Variants in VSTM1 observed in about 807,000 individuals in gnomAD.
VSTM1 encodes V-set and transmembrane domain containing 1, also known as V-set and transmembrane domain-containing protein 1.
In VSTM1, 27 loss-of-function variants were observed where a neutral mutation model predicts 33.1. The ratio of observed to expected loss-of-function variants is 0.82; its 90% CI spans 0.60 to 1.12. The LOEUF (loss-of-function observed/expected upper bound fraction) is 1.12, where lower values mean the gene tolerates loss of function less well. VSTM1 is among the 50% of genes most tolerant of loss of function. The pLI is 0.00. For missense variants in VSTM1, 304 were observed against 288.9 expected, an observed-to-expected ratio of 1.05 and a Z score of -0.38; for synonymous variants, 115 against 110.3, an observed-to-expected ratio of 1.04 and a Z score of -0.27.
chr19:54,062,217 C>T (rs1418466688), intron 1 of VSTM1, among the ~76,000 whole-genome samples: 2 of 152,050 alleles, frequency 1.3e-5, no homozygotes, highest in South Asian at 2.1e-4. Context: ...AAAACAGACG[C>T]TCCTTCATAG....
chr19:54,048,803 G>T (rs1280148299), intron 4 of VSTM1, among the ~76,000 whole-genome samples: 1 of 152,162 alleles, frequency 6.6e-6, no homozygotes, highest in African/African-American at 2.4e-5. Flanking sequence ...GAAGAACGGG[G>T]CCAGGCACAG....
chr19:54,057,141 C>T (rs1157667181), intron 3 of VSTM1, among the ~76,000 whole-genome samples: 3 of 139,076 alleles, frequency 2.2e-5, no homozygotes, highest in Admixed American at 7.4e-5. Context: ...CAGGCATGAG[C>T]CACCGCGCCG....
At chr19:54,049,826 C>T (rs376805691) in intron 4 of VSTM1, among the ~76,000 whole-genome samples, 2 of 152,006 alleles carry the variant, frequency 1.3e-5, no homozygotes, top group East Asian at 3.9e-4. Flanking sequence ...CTAGCAACAA[C>T]CTTCAGCAAC....
chr19:54,047,217 A>G (rs1322306636), intron 4 of VSTM1, among the ~76,000 whole-genome samples: 1 of 152,128 alleles, frequency 6.6e-6, no homozygotes, highest in Non-Finnish European at 1.5e-5. Flanking sequence ...AATAATAAAT[A>G]AAATAAAACG....
Position 54,040,966 on chromosome 19 carries a change from C to T in VSTM1, c.706G>A (p.Val236Met), listed in dbSNP as rs2070225889. ...TGGCCAGGGCTGTCTTCTTGCTACA[C>T]TTTCAGTGCCGCATATTCATGAGAT... is the stretch of plus-strand genomic sequence containing the variant. ...PGSHEYAALKV is the reference protein window; with the variant it reads ...PGSHEYAALKM Residue 236 changes from valine (V) to methionine (M), a missense_variant, in exon 9 of 9, where the codon GTG becomes ATG. Physicochemically the swap from Val to Met is conservative, Grantham distance 21. Coordinates refer to ENST00000338372, the MANE Select transcript of VSTM1 (RefSeq NM_198481.4). The T allele has an allele frequency of 6.2e-7, 1 of 1,609,826 alleles. No homozygotes were observed. The highest frequency in any genetic ancestry group is 8.5e-7 in the Non-Finnish European group (1 of 1,178,202).
intron 3 of VSTM1, among the ~76,000 whole-genome samples, chr19:54,052,323 G>C (rs4806492): frequency 0.27 from 38,129 of 139,104 alleles, 7,883 homozygotes; most frequent in Middle Eastern, 0.4. Context: ...GCGTGAACCC[G>C]GGAGGCGGAG....
intron 1 of VSTM1, among the ~76,000 whole-genome samples, chr19:54,060,267 C>T (rs2071331449): frequency 6.6e-6 from 1 of 152,176 alleles, no homozygotes; most frequent in Admixed American, 6.6e-5. Context: ...ACATTATCCC[C>T]TCCCTCTTCT....
intron 6 of VSTM1, 58 bp from the exon 7 acceptor site, chr19:54,042,011 A>G: frequency 1.2e-6 from 2 of 1,609,560 alleles, no homozygotes; most frequent in South Asian, 1.1e-5. Flanking sequence ...GGAGAGGGTG[A>G]GGGCAATGGA....
intron 3 of VSTM1, among the ~76,000 whole-genome samples, chr19:54,056,136 A>G (rs2071073101): frequency 1.5e-5 from 2 of 137,196 alleles, no homozygotes. Context: ...CAAGAACTAG[A>G]CAACCAGGGA....
rs544635234 is a variant in VSTM1 at position 54,040,881 on chromosome 19, A to G, written c.*80T>C. On this transcript the variant is annotated 3_prime_UTR_variant, in exon 9 of 9. Coordinates refer to ENST00000338372, the MANE Select transcript of VSTM1 (RefSeq NM_198481.4). ...TGATATGGACGAAGAGCAAGGAAAC[A>G]CAGTATCTGCATCTCCAGATTTCCG... is the stretch of plus-strand genomic sequence containing the variant. 6.5e-7 allele frequency: 1 copy of G among 1,529,652 alleles called. No individual in the cohort carries two copies. Among genetic ancestry groups the G allele is most frequent in the Non-Finnish European group, 8.8e-7 (1 of 1,137,558 alleles). The allele number at this position is 1,529,652 out of a possible 1,614,324, so 94.8% of individuals were successfully genotyped here.
intron 2 of VSTM1, 23 bp from the exon 3 acceptor site, chr19:54,058,613 T>G: frequency 6.2e-7 from 1 of 1,613,062 alleles, no homozygotes; most frequent in South Asian, 1.1e-5. Context: ...CAGAGTTAAT[T>G]TGAGTCTAGA....
intron 3 of VSTM1, among the ~76,000 whole-genome samples, chr19:54,054,536 C>T (rs1392343866): frequency 7.0e-6 from 1 of 142,656 alleles, no homozygotes; most frequent in East Asian, 2.0e-4. Context: ...ACTGTAAAGT[C>T]TCTCCAGGGA....
At chr19:54,046,784 C>T (rs552477080) in intron 4 of VSTM1, among the ~76,000 whole-genome samples, 1 of 152,298 alleles carries the variant, frequency 6.6e-6, no homozygotes, top group Non-Finnish European at 1.5e-5. Flanking sequence ...TGGTCTTCGA[C>T]CTTCTCTGTC....
intron 1 of VSTM1, among the ~76,000 whole-genome samples, chr19:54,062,153 T>C (rs1344220970): frequency 8.0e-6 from 1 of 125,524 alleles, no homozygotes; most frequent in Non-Finnish European, 1.8e-5. Context: ...AGACTCCGCC[T>C]CAAGAAAAAA....
chr19:54,055,779 G>C lies in VSTM1; in HGVS notation c.355+2527C>G, dbSNP rs1266821711. ...ATCCCAGGGTCTACATTGACTGAGA[G>C]CAAAGGTTCTGGGAGTGATCCTGAA... On this transcript the variant is annotated intron_variant, in intron 3 of 8. Transcript: ENST00000338372. 2 of 142,692 alleles carry C rather than the reference G, an allele frequency of 1.4e-5. 1 individual carries two copies. The highest frequency in any genetic ancestry group is 5.2e-5 in the African/African-American group (2 of 38,552). The allele number at this position is 142,692 out of a possible 1,614,324, so 8.8% of individuals were successfully genotyped here.
intron 3 of VSTM1, among the ~76,000 whole-genome samples, chr19:54,054,487 T>C (rs936100551): frequency 7.0e-6 from 1 of 142,648 alleles, no homozygotes; most frequent in African/African-American, 2.6e-5. Context: ...GGCTAAGTCA[T>C]TGGTGTGGAC....
chr19:54,057,075 C>T (rs1348771592), intron 3 of VSTM1, among the ~76,000 whole-genome samples: 1 of 139,854 alleles, frequency 7.2e-6, no homozygotes, highest in Non-Finnish European at 1.6e-5. Context: ...AGGCTGGTCT[C>T]GAACTCCCGA....
chr19:54,040,995 G>C lies in VSTM1; in HGVS notation c.677C>G (p.Pro226Arg), dbSNP rs1429504083. The change falls in exon 9 of 9, where the codon CCA (proline) becomes CGA (arginine). Residue 226 changes from proline (P) to arginine (R), a missense_variant. Pro to Arg is a moderately radical substitution (Grantham distance 103, BLOSUM62 -2). Coordinates refer to ENST00000338372, the MANE Select transcript of VSTM1 (RefSeq NM_198481.4). ...EAASDTTQEP[P>R]GSHEYAALKV ...CAGTGCCGCATATTCATGAGATCCT[G>C]GGGGCTCCTGGGTGGTGTCTGAAGC... The C allele has an allele frequency of 6.2e-7, 1 of 1,610,210 alleles. No individual in the cohort carries two copies. The highest frequency in any genetic ancestry group is 1.7e-5 in the Admixed American group (1 of 59,624).
chr19:54,058,820 G>A (rs1446359258), intron 1 of VSTM1, 88 bp from the exon 2 acceptor site: 2 of 884,532 alleles, frequency 2.3e-6, no homozygotes, highest in Non-Finnish European at 3.6e-6. Flanking sequence ...CTCTTTATAG[G>A]TCTGAGATAT....
Sources: gnomAD v4.1 joint callset for allele counts (sites outside exome capture counted in the v4.1 genomes callset) on GRCh38, gnomAD v4.1.1 for gene constraint, MANE v1.5 for transcripts, NCBI Gene and HGNC (gene_info 2026-07-23, HGNC 2026-07-21) for gene names.